The following DIAPH1 variants were observed in gnomAD, a reference collection of about 807,000 sequenced individuals.
DIAPH1 encodes diaphanous related formin 1.
In DIAPH1, 46 loss-of-function variants were observed where a neutral mutation model predicts 140.7. That is an observed-to-expected ratio of 0.33 (90% CI 0.26 to 0.42). The LOEUF is 0.42. Ranked by LOEUF, DIAPH1 falls within the 10% of genes least tolerant of loss-of-function variation. The probability of loss-of-function intolerance (pLI) is 1.00; values close to 1 mark genes in which losing one functional copy is unlikely to be tolerated. For synonymous variants in DIAPH1, 565 were observed against 551.6 expected, an observed-to-expected ratio of 1.02 and a Z score of -0.34; for missense variants, 1,310 against 1,558.7, an observed-to-expected ratio of 0.84 and a Z score of 2.69.
At chr5:141,583,112 C>T in intron 6 of DIAPH1, 94 bp downstream of exon 6, 1 of 1,128,518 alleles carries the variant, frequency 8.9e-7, no homozygotes, top group African/African-American at 1.5e-5. Context: ...TAGCCCACAA[C>T]TTTACATTTA....
chr5:141,534,201 CTG>C, intron 19 of DIAPH1, 132 bp downstream of exon 19: 1 of 702,972 alleles, frequency 1.4e-6, no homozygotes, highest in Non-Finnish European at 2.5e-6. Flanking sequence ...TGAAAATTCA[CTG>C]TGCAATGGTT....
intron 1 of DIAPH1, among the ~76,000 whole-genome samples, chr5:141,604,513 C>T (rs1159767804): frequency 6.6e-6 from 1 of 152,144 alleles, no homozygotes; most frequent in Non-Finnish European, 1.5e-5. Flanking sequence ...GTCTTCTCCT[C>T]CCATGTTATG....
intron 27 of DIAPH1, among the ~76,000 whole-genome samples, chr5:141,520,911 A>T (rs939373486): frequency 5.3e-5 from 8 of 151,956 alleles, no homozygotes; most frequent in African/African-American, 1.9e-4. Context: ...TTTTATTTTT[A>T]TTTTTTTGAG....
chr5:141,583,463 G>C lies in DIAPH1; in HGVS notation c.533+22C>G, dbSNP rs964788726. The C allele has an allele frequency of 1.9e-6, 3 of 1,614,062 alleles. No individual in the cohort carries two copies. In the African/African-American group the frequency reaches 4.0e-5, roughly 22 times the overall value. On this transcript the variant is annotated intron_variant, in intron 5 of 27. Transcript: ENST00000389054. Reference sequence around the variant, plus strand: ...AGTCCAACATTTGGCTCCTACTCCTGTTACCTCCTCAGAATCCTCACCTGA... The same window carrying C: ...AGTCCAACATTTGGCTCCTACTCCTCTTACCTCCTCAGAATCCTCACCTGA...
intron 1 of DIAPH1, among the ~76,000 whole-genome samples, chr5:141,605,509 G>T (rs973984031): frequency 2.0e-5 from 3 of 152,164 alleles, no homozygotes; most frequent in Non-Finnish European, 4.4e-5. Context: ...ATGCCTATCA[G>T]TATTTACTCT....
chr5:141,582,150 C>T (rs2099896873), intron 7 of DIAPH1, 162 bp downstream of exon 7: 1 of 562,122 alleles, frequency 1.8e-6, no homozygotes, highest in African/African-American at 1.9e-5. Flanking sequence ...AAAAAATATC[C>T]ACAGAAGCAT....
At chr5:141,537,013 A>G (rs1192840736) in intron 18 of DIAPH1, among the ~76,000 whole-genome samples, 1 of 151,986 alleles carries the variant, frequency 6.6e-6, no homozygotes, top group East Asian at 1.9e-4. Flanking sequence ...CCATTTAAAA[A>G]AAAATTTAGC....
At chr5:141,551,799 A>G (rs986877692) in intron 18 of DIAPH1, among the ~76,000 whole-genome samples, 1 of 152,250 alleles carries the variant, frequency 6.6e-6, no homozygotes, top group African/African-American at 2.4e-5. Flanking sequence ...TTAACAGACA[A>G]GAACAAATGG....
intron 18 of DIAPH1, among the ~76,000 whole-genome samples, chr5:141,552,368 TAAG>T (rs1215858440): frequency 2.0e-5 from 3 of 152,146 alleles, no homozygotes; most frequent in South Asian, 2.1e-4. Flanking sequence ...AGGATTCTTA[TAAG>T]AAGGAGATAC....
At chr5:141,550,748 T>C (rs937980019) in intron 18 of DIAPH1, among the ~76,000 whole-genome samples, 2 of 152,220 alleles carry the variant, frequency 1.3e-5, no homozygotes, top group African/African-American at 4.8e-5. Flanking sequence ...TAGCTGGGAA[T>C]ACAGGTGCAC....
At chr5:141,571,028 T>C (rs1281353230) in intron 18 of DIAPH1, among the ~76,000 whole-genome samples, 1 of 152,156 alleles carries the variant, frequency 6.6e-6, no homozygotes, top group East Asian at 1.9e-4. Context: ...CTGTTCAGAG[T>C]CTATATATGC....
intron 18 of DIAPH1, among the ~76,000 whole-genome samples, chr5:141,538,789 C>G (rs1175410328): frequency 6.6e-6 from 1 of 152,126 alleles, no homozygotes; most frequent in Non-Finnish European, 1.5e-5. Context: ...TTTGCCCAGG[C>G]TGGGCTGGGC....
intron 1 of DIAPH1, among the ~76,000 whole-genome samples, chr5:141,604,878 T>G (rs1044318937): frequency 3.3e-5 from 5 of 152,188 alleles, no homozygotes; most frequent in Non-Finnish European, 7.4e-5. Flanking sequence ...GAAAAAATCT[T>G]AGGGAGGAGG....
rs773724339 is a variant in DIAPH1, at chr5:141,573,823, G to C, written c.2027C>G (p.Pro676Arg). Residue 676 changes from proline (P) to arginine (R), a missense_variant, in exon 16 of 28, where the codon CCC becomes CGC. Physicochemically the swap from Pro to Arg is moderately radical, Grantham distance 103 (BLOSUM62 -2). Around this residue, in one of 3 missense-constraint regions of DIAPH1, gnomAD observed 589 missense variants for 549.3 expected, o/e 1.07. Transcript: ENST00000389054. ...ACTCCCAGGCAAAGGAGGAGGTGGG[G>C]GGATGGCAGTACCTCCAGGCAAAGA... ...PSSLPGGTAI[P>R]PPPPLPGSAR... 3.3e-6 allele frequency: 5 copies of C among 1,519,802 alleles called. No individual in the cohort carries two copies. The South Asian group carries it at 6.5e-5, about 20-fold the overall frequency. The allele number at this position is 1,519,802 out of a possible 1,614,324, so 94.1% of individuals were successfully genotyped here. A position where few individuals can be genotyped will look rare whatever the true frequency, so the allele number is the denominator to read the frequency against.
chr5:141,547,360 G>A (rs535564858), intron 18 of DIAPH1, among the ~76,000 whole-genome samples: 19 of 152,154 alleles, frequency 1.2e-4, no homozygotes, highest in Non-Finnish European at 2.6e-4. Flanking sequence ...AGCTACTCGG[G>A]AGGCTGAGGC....
rs113134611 is a variant in DIAPH1, at chr5:141,552,320, G to A, written c.2483-17887C>T. On this transcript the variant is annotated intron_variant, in intron 18 of 27. Coordinates refer to ENST00000389054, the MANE Select transcript of DIAPH1 (RefSeq NM_005219.5). ...TCCTCCCGCCTCAGCCTCCTGAGCT[G>A]TCAGGACTACAGGCACATGCCACCA... Among the ~76,000 whole-genome samples the A allele has an allele frequency of 1.2e-3, 180 of 152,194 alleles. 1 individual carries two copies. The highest frequency in any genetic ancestry group is 6.8e-3 in the Middle Eastern group (2 of 294).
At chr5:141,518,902 C>T (rs765874960) in intron 27 of DIAPH1, 3 of 1,540,194 alleles carry the variant, frequency 1.9e-6, no homozygotes, top group South Asian at 2.4e-5. Flanking sequence ...GAGAGGCTGC[C>T]CATAGATCAA....
intron 1 of DIAPH1, among the ~76,000 whole-genome samples, chr5:141,593,710 T>C (rs930530790): frequency 3.3e-5 from 5 of 152,228 alleles, no homozygotes; most frequent in East Asian, 1.9e-4. Flanking sequence ...TCATATGTCA[T>C]CAGGTAAGTG....
intron 27 of DIAPH1, among the ~76,000 whole-genome samples, chr5:141,522,372 A>G (rs989013473): frequency 2.6e-5 from 4 of 152,280 alleles, no homozygotes; most frequent in Admixed American, 6.5e-5. Flanking sequence ...TTAGTTTCCA[A>G]CAAAATTCCT....
Sources: allele counts gnomAD v4.1 joint callset (sites outside exome capture counted in the v4.1 genomes callset), GRCh38; gene constraint gnomAD v4.1.1; regional missense constraint gnomAD v4.1.1; transcripts MANE v1.5; gene names NCBI Gene and HGNC (gene_info 2026-07-23, HGNC 2026-07-21).